The following TRMT61A variants were observed in gnomAD, a reference collection of about 807,000 sequenced individuals.
The protein encoded by TRMT61A is tRNA (adenine(58)-N(1))-methyltransferase catalytic subunit TRMT61A.
Under a neutral mutation model 21.3 loss-of-function variants are expected in TRMT61A, and 15 were observed. That is an observed-to-expected ratio of 0.70 (90% CI 0.47 to 1.08). The LOEUF is 1.08. TRMT61A is among the 50% of genes least tolerant of loss of function. The pLI is 0.00. For synonymous variants in TRMT61A, 183 were observed against 185.5 expected, an observed-to-expected ratio of 0.99 and a Z score of 0.11; for missense variants, 352 against 426.7, an observed-to-expected ratio of 0.83 and a Z score of 1.54.
In TRMT61A at chr14:103,531,528, G is replaced by A. The variant is rs1228787071; in HGVS notation, c.332-1054G>A. ...AGGGGAAGCGAGCTCCACCCCGGAG[G>A]CTAACAAGTCTGACTTGCCCCTTAG... On this transcript the variant is annotated intron_variant, in intron 2 of 3. Coordinates refer to ENST00000389749, the MANE Select transcript of TRMT61A (RefSeq NM_152307.3). This position sits in a 1 kb window ranked among gnomAD's most constrained non-coding sequence, Gnocchi z 5.1. Among the ~76,000 whole-genome samples, 1 of 152,176 alleles carries A rather than the reference G, an allele frequency of 6.6e-6. No individual in the cohort carries two copies. Among genetic ancestry groups the A allele is most frequent in the African/African-American group, 2.4e-5 (1 of 41,454 alleles).
rs1354313112 is a variant in TRMT61A, at chr14:103,535,425, T to G, written c.*604T>G. 6.8e-6 allele frequency: 3 copies of G among 444,414 alleles called. No individual in the cohort carries two copies. The highest frequency in any genetic ancestry group is 4.8e-5 in the South Asian group (3 of 62,692). 27.5% of individuals were successfully genotyped at this position (444,414 alleles called of 1,614,324 possible). A position where few individuals can be genotyped will look rare whatever the true frequency, so the allele number is the denominator to read the frequency against. ...GGCCTCCTGGCTGATGTCACAGCAC[T>G]GAGCTCAGCCCAGGCCTTCGTCCAC... On this transcript the variant is annotated 3_prime_UTR_variant, in exon 4 of 4. Coordinates refer to ENST00000389749, the MANE Select transcript of TRMT61A (RefSeq NM_152307.3).
At position 103,534,777 on chromosome 14, in the gene TRMT61A, G is replaced by A; in HGVS notation, c.826G>A (p.Gly276Ser). The change falls in exon 4 of 4, where the codon GGC (glycine) becomes AGC (serine). Residue 276 changes from glycine (G) to serine (S), a missense_variant. Gly to Ser is a moderately conservative substitution (Grantham distance 56, BLOSUM62 0). Coordinates refer to ENST00000389749, the MANE Select transcript of TRMT61A (RefSeq NM_152307.3). ...CGGCACGCCCATGAAGGAGGCCGTGGGCCACACCGGCTACCTGACCTTCGC... is the reference window on the plus strand; with the variant it reads ...CGGCACGCCCATGAAGGAGGCCGTGAGCCACACCGGCTACCTGACCTTCGC... Reference protein sequence around the residue: ...RSGTPMKEAVGHTGYLTFATK... With the variant: ...RSGTPMKEAVSHTGYLTFATK... 1 of 1,567,816 alleles carries A rather than the reference G, an allele frequency of 6.4e-7. No individual in the cohort carries two copies.
chr14:103,530,825 A>AG (rs1310317423), intron 2 of TRMT61A, among the ~76,000 whole-genome samples: 1 of 152,180 alleles, frequency 6.6e-6, no homozygotes, highest in East Asian at 1.9e-4. Flanking sequence ...GCACATATAC[A>AG]GGTGCTGGGG....
At chr14:103,533,094 G>A (rs1357416311) in intron 3 of TRMT61A, among the ~76,000 whole-genome samples, 1 of 152,344 alleles carries the variant, frequency 6.6e-6, no homozygotes, top group East Asian at 1.9e-4. Flanking sequence ...CCTGATGGAG[G>A]AAGGTGGCAG....
chr14:103,533,776 C>T (rs1275322545), intron 3 of TRMT61A, among the ~76,000 whole-genome samples: 1 of 152,332 alleles, frequency 6.6e-6, no homozygotes, highest in Admixed American at 6.5e-5. Context: ...CATCTCCTGC[C>T]GGCCACGGGA....
intron 2 of TRMT61A, among the ~76,000 whole-genome samples, chr14:103,530,803 G>A (rs989625348): frequency 1.3e-5 from 2 of 152,226 alleles, no homozygotes; most frequent in Non-Finnish European, 2.9e-5. Flanking sequence ...GGCCTGGGCT[G>A]TGGGAACCCC....
At position 103,536,830 on chromosome 14, in the gene TRMT61A, G is replaced by C. The variant is rs557038268; in HGVS notation, c.*2009G>C. On this transcript the variant is annotated 3_prime_UTR_variant, in exon 4 of 4. Transcript: ENST00000389749. ...GTGGCAGCCCTGGGTGAGTCACCAG[G>C]GTCCGCACATGGAGAGCGGGAGGTC... 6.6e-6 allele frequency: 1 copy of C among 152,370 alleles called. No homozygotes were observed. The highest frequency in any genetic ancestry group is 6.5e-5 in the Admixed American group (1 of 15,304). The allele number at this position is 152,370 out of a possible 1,614,324, so 9.4% of individuals were successfully genotyped here. A position where few individuals can be genotyped will look rare whatever the true frequency, so the allele number is the denominator to read the frequency against.
Position 103,529,932 on chromosome 14 carries a change from A to G in TRMT61A, c.-29-18A>G, listed in dbSNP as rs1004880659. ...CCTGCCTCCTGACTTGCTCATGCCT[A>G]CACACACCCCTCCCCAGGTCCTTGG... On this transcript the variant is annotated intron_variant, in intron 1 of 3. Coordinates refer to ENST00000389749, the MANE Select transcript of TRMT61A (RefSeq NM_152307.3). 6 of 1,535,838 alleles carry G rather than the reference A, an allele frequency of 3.9e-6. No individual in the cohort carries two copies. Among genetic ancestry groups the G allele is most frequent in the Non-Finnish European group, 4.4e-6 (5 of 1,138,432 alleles).
At position 103,534,648 on chromosome 14, in the gene TRMT61A, G is replaced by A; in HGVS notation, c.697G>A (p.Val233Met). 1 of 1,611,156 alleles carries A rather than the reference G, an allele frequency of 6.2e-7. No homozygotes were observed. The highest frequency in any genetic ancestry group is 8.5e-7 in the Non-Finnish European group (1 of 1,179,298). Reference sequence around the variant, plus strand: ...CTTCTCAGAGCTGAGCACCCTGGAGGTGCTGCCACAGGTCTACAACGTGCG... The same window carrying A: ...CTTCTCAGAGCTGAGCACCCTGGAGATGCTGCCACAGGTCTACAACGTGCG... The part of the protein sequence containing the change: ...RGFSELSTLE[V>M]LPQVYNVRTV... Residue 233 changes from valine to methionine, a missense_variant, in exon 4 of 4, where the codon GTG becomes ATG. Coordinates refer to ENST00000389749, the MANE Select transcript of TRMT61A (RefSeq NM_152307.3).
intron 1 of TRMT61A, 34 bp downstream of exon 1, chr14:103,529,295 C>A: frequency 4.0e-6 from 1 of 248,148 alleles, no homozygotes; most frequent in Admixed American, 5.6e-5. Flanking sequence ...TGGCAGGGCG[C>A]GGGTGAGGGT....
At chr14:103,533,645 C>T (rs1183689209) in intron 3 of TRMT61A, among the ~76,000 whole-genome samples, 1 of 152,182 alleles carries the variant, frequency 6.6e-6, no homozygotes, top group Non-Finnish European at 1.5e-5. Flanking sequence ...CCCCCTGCTG[C>T]CTTTGTGACT....
rs1403411541 is a variant in TRMT61A at position 103,534,687 on chromosome 14, C to A, written c.736C>A (p.Pro246Thr). ...QVYNVRTVSL[P>T]PPDLGTGTDG... Reference sequence around the variant, plus strand: ...CTACAACGTGCGCACTGTCAGCCTGCCACCGCCCGACCTGGGCACAGGCAC... The same window carrying A: ...CTACAACGTGCGCACTGTCAGCCTGACACCGCCCGACCTGGGCACAGGCAC... Residue 246 changes from proline to threonine, a missense_variant, in exon 4 of 4, where the codon CCA (proline) becomes ACA (threonine). Physicochemically the swap from Pro to Thr is conservative, Grantham distance 38. Coordinates refer to ENST00000389749, the MANE Select transcript of TRMT61A (RefSeq NM_152307.3). The A allele has an allele frequency of 1.9e-6, 3 of 1,609,074 alleles. No individual in the cohort carries two copies. The highest frequency in any genetic ancestry group is 1.7e-6 in the Non-Finnish European group (2 of 1,179,548).
intron 3 of TRMT61A, 141 bp downstream of exon 3, chr14:103,532,989 A>G: frequency 8.3e-7 from 1 of 1,202,068 alleles, no homozygotes; most frequent in Non-Finnish European, 1.1e-6. Context: ...CTTTGGCCTG[A>G]GGTGAGGAGT....
At chr14:103,530,697 G>A (rs2075951351) in intron 2 of TRMT61A, among the ~76,000 whole-genome samples, 1 of 152,204 alleles carries the variant, frequency 6.6e-6, no homozygotes, top group African/African-American at 2.4e-5. Flanking sequence ...GGGCTACCCC[G>A]AGGAGCTCAC....
In TRMT61A at chr14:103,534,994, G is replaced by A; in HGVS notation, c.*173G>A. Reference sequence around the variant, plus strand: ...CAGGAAGGGCGGCTGTGATGGAGGAGCAGTGCTGGGGCTGGGCCTCAGCCA... The same window carrying A: ...CAGGAAGGGCGGCTGTGATGGAGGAACAGTGCTGGGGCTGGGCCTCAGCCA... On this transcript the variant is annotated 3_prime_UTR_variant, in exon 4 of 4. Transcript: ENST00000389749. 3.7e-6 allele frequency: 3 copies of A among 819,780 alleles called. No individual in the cohort carries two copies. The highest frequency in any genetic ancestry group is 1.7e-5 in the African/African-American group (1 of 59,558). 50.8% of individuals were successfully genotyped at this position (819,780 alleles called of 1,614,324 possible).
chr14:103,534,935 C>A lies in TRMT61A; in HGVS notation c.*114C>A. 7.2e-7 allele frequency: 1 copy of A among 1,390,944 alleles called. No homozygotes were observed. The highest frequency in any genetic ancestry group is 9.9e-7 in the Non-Finnish European group (1 of 1,015,212). The allele number at this position is 1,390,944 out of a possible 1,614,324, so 86.2% of individuals were successfully genotyped here. ...GCCAGACACAGACGGTGGGGTGGGG[C>A]TTGGGGGCCTCCTGGGTGGCCAGAG... On this transcript the variant is annotated 3_prime_UTR_variant, in exon 4 of 4. Coordinates refer to ENST00000389749, the MANE Select transcript of TRMT61A (RefSeq NM_152307.3).
At chr14:103,533,100 G>A (rs2075960454) in intron 3 of TRMT61A, among the ~76,000 whole-genome samples, 1 of 152,238 alleles carries the variant, frequency 6.6e-6, no homozygotes, top group Non-Finnish European at 1.5e-5. Flanking sequence ...GGAGGAAGGT[G>A]GCAGCGCCAC....
In TRMT61A at chr14:103,535,284, C is replaced by T. The variant is rs1477291099; in HGVS notation, c.*463C>T. On this transcript the variant is annotated 3_prime_UTR_variant, in exon 4 of 4. Transcript: ENST00000389749. ...TCTCGTGCTTCTCCAGTCCCCGGGC[C>T]GAGGCTCCAGCCTTGGCCAGAAGCT... The T allele has an allele frequency of 1.5e-5, 7 of 452,794 alleles. No individual in the cohort carries two copies. The highest frequency in any genetic ancestry group is 3.1e-5 in the South Asian group (2 of 63,794). 28.0% of individuals were successfully genotyped at this position (452,794 alleles called of 1,614,324 possible).
At chr14:103,533,962 G>A (rs1358132743) in intron 3 of TRMT61A, among the ~76,000 whole-genome samples, 3 of 152,288 alleles carry the variant, frequency 2.0e-5, no homozygotes, top group Admixed American at 1.3e-4. Context: ...ACCTCTACCC[G>A]GCCCTGGCTT....
Sources: gnomAD v4.1 joint callset for allele counts (sites outside exome capture counted in the v4.1 genomes callset) on GRCh38, gnomAD v4.1.1 for gene constraint, Gnocchi (gnomAD v3.1) non-coding constraint, MANE v1.5 for transcripts, NCBI Gene and HGNC (gene_info 2026-07-23, HGNC 2026-07-21) for gene names.